Variants in GRM4 observed in about 807,000 individuals in gnomAD.
GRM4 encodes glutamate metabotropic receptor 4.
A neutral mutation model predicts 81.7 loss-of-function variants in GRM4; 28 were observed. That is an observed-to-expected ratio of 0.34 (90% CI 0.25 to 0.47). GRM4 has a LOEUF of 0.47. Ranked by LOEUF, GRM4 falls within the 20% of genes least tolerant of loss-of-function variation. GRM4 has a pLI of 1.00. For missense variants in GRM4, 948 were observed against 1,290.0 expected (o/e 0.73, Z 4.06); for synonymous variants, 488 against 528.8 (o/e 0.92, Z 1.06).
intron 2 of GRM4, among the ~76,000 whole-genome samples, chr6:34,098,992 C>A (rs1057508102): frequency 1.3e-5 from 2 of 152,162 alleles, no homozygotes; most frequent in African/African-American, 2.4e-5. Context: ...AGGGCTCCCC[C>A]TCACAGAGCA....
At position 34,132,645 on chromosome 6, in the gene GRM4, C is replaced by T. The variant is rs909256015; in HGVS notation, c.519+333G>A. Among the ~76,000 whole-genome samples the T allele has an allele frequency of 7.9e-5, 12 of 152,310 alleles. No homozygotes were observed. In the East Asian group the frequency reaches 2.3e-3, roughly 29 times the overall value. On this transcript the variant is annotated intron_variant, in intron 2 of 10. Transcript: ENST00000538487. ...TCCCTCTGTCGTTCTCCAGAACATC[C>T]TTTTCCTCCTGGTACAGAATTCCCC...
chr6:34,101,813 T>C (rs1164367891), intron 2 of GRM4, among the ~76,000 whole-genome samples: 1 of 152,250 alleles, frequency 6.6e-6, no homozygotes, highest in Non-Finnish European at 1.5e-5. Flanking sequence ...CCAGACGAGA[T>C]GAAATTGATT....
At chr6:34,060,099 G>A (rs1456007795) in intron 4 of GRM4, 1 of 152,318 alleles carries the variant, frequency 6.6e-6, no homozygotes, top group African/African-American at 2.4e-5. Context: ...AGCTGGGACT[G>A]GAGGGCCTGG....
chr6:34,113,015 GT>G (rs759099802), intron 2 of GRM4, among the ~76,000 whole-genome samples: 2 of 152,156 alleles, frequency 1.3e-5, no homozygotes, highest in African/African-American at 2.4e-5. Context: ...TTCCCTCTGG[GT>G]TTGAAAATTG....
chr6:34,150,551 C>G (rs974414318), upstream of GRM4, among the ~76,000 whole-genome samples: 2 of 152,092 alleles, frequency 1.3e-5, no homozygotes, highest in African/African-American at 4.8e-5. Flanking sequence ...CCAAGGTCAA[C>G]TTGAGCCTTT....
Position 34,059,489 on chromosome 6 carries a change from T to C in GRM4, c.873-361A>G. On this transcript the variant is annotated intron_variant, in intron 4 of 10. Coordinates refer to ENST00000538487, the MANE Select transcript of GRM4 (RefSeq NM_000841.4). This position sits in a 1 kb window ranked among gnomAD's most constrained non-coding sequence, Gnocchi z 5.7. ...CACAACCACCTCTGCCCAGCCCCGGTCCCCTGAGACGCATGCCTTCCTGGC... is the reference window on the plus strand; with the variant it reads ...CACAACCACCTCTGCCCAGCCCCGGCCCCCTGAGACGCATGCCTTCCTGGC... The C allele has an allele frequency of 3.2e-6, 1 of 308,860 alleles. No homozygotes were observed. The highest frequency in any genetic ancestry group is 4.0e-5 in the South Asian group (1 of 24,998). 19.1% of individuals were successfully genotyped at this position (308,860 alleles called of 1,614,324 possible). A position where few individuals can be genotyped will look rare whatever the true frequency, so the allele number is the denominator to read the frequency against.
chr6:34,149,543 C>G (rs926355803), upstream of GRM4, among the ~76,000 whole-genome samples: 1 of 152,228 alleles, frequency 6.6e-6, no homozygotes, highest in Non-Finnish European at 1.5e-5. Flanking sequence ...GGGCTAGGGC[C>G]CCGGGTTAAC....
At position 34,085,834 on chromosome 6, in the gene GRM4, G is replaced by A. The variant is rs1581675438; in HGVS notation, c.736+6049C>T. Among the ~76,000 whole-genome samples the A allele has an allele frequency of 2.6e-5, 4 of 152,288 alleles. No individual in the cohort carries two copies. In the East Asian group the frequency reaches 7.7e-4, roughly 29 times the overall value. ...GACTGGAGAGTAGGACGGAGGCAGG[G>A]GCTGTTTCAGATAGGCTGGTCAGAG... is the stretch of plus-strand genomic sequence containing the variant. On this transcript the variant is annotated intron_variant, in intron 3 of 10. Coordinates refer to ENST00000538487, the MANE Select transcript of GRM4 (RefSeq NM_000841.4).
chr6:34,086,997 T>C (rs1289006296), intron 3 of GRM4, among the ~76,000 whole-genome samples: 1 of 152,156 alleles, frequency 6.6e-6, no homozygotes, highest in Non-Finnish European at 1.5e-5. Context: ...TGGTGGTATA[T>C]GCCTGTGGTT....
Position 34,022,952 on chromosome 6 carries a change from A to G in GRM4, c.2690-82T>C. The stretch of plus-strand genomic sequence containing the variant: ...TCCTTCCACATGGGCACAGCCCTGC[A>G]CAAGAACCTACCATAGCTCCCCGCC... On this transcript the variant is annotated intron_variant, in intron 10 of 10. Coordinates refer to ENST00000538487, the MANE Select transcript of GRM4 (RefSeq NM_000841.4). The surrounding 1 kb of genome is among the most constrained non-coding windows in gnomAD (Gnocchi z 5.6). 1 of 1,050,666 alleles carries G rather than the reference A, an allele frequency of 9.5e-7. No homozygotes were observed. Among genetic ancestry groups the G allele is most frequent in the Non-Finnish European group, 1.5e-6 (1 of 669,342 alleles). 65.1% of individuals were successfully genotyped at this position (1,050,666 alleles called of 1,614,324 possible).
intron 1 of GRM4, among the ~76,000 whole-genome samples, chr6:34,141,006 C>T (rs1050527136): frequency 6.6e-6 from 1 of 152,236 alleles, no homozygotes; most frequent in African/African-American, 2.4e-5. Flanking sequence ...AATCACCCTC[C>T]ACAAGCTTAG....
intron 6 of GRM4, 97 bp downstream of exon 6, chr6:34,056,447 G>GTCTGCC: frequency 8.7e-7 from 1 of 1,144,452 alleles, no homozygotes; most frequent in Admixed American, 2.3e-5. Context: ...GCCGGCCGAC[G>GTCTGCC]ACAGACAAAG....
upstream of GRM4, among the ~76,000 whole-genome samples, chr6:34,150,717 AG>A (rs1192733664): frequency 6.6e-6 from 1 of 152,082 alleles, no homozygotes; most frequent in African/African-American, 2.4e-5. Context: ...AGGGCTGAAG[AG>A]GGAGGGAATA....
In GRM4 at chr6:34,115,088, C is replaced by T. The variant is rs1196600927; in HGVS notation, c.519+17890G>A. 6.6e-6 allele frequency among the ~76,000 whole-genome samples: 1 copy of T among 152,212 alleles called. No individual in the cohort carries two copies. The highest frequency in any genetic ancestry group is 1.9e-4 in the East Asian group (1 of 5,192). On this transcript the variant is annotated intron_variant, in intron 2 of 10. Coordinates refer to ENST00000538487, the MANE Select transcript of GRM4 (RefSeq NM_000841.4). This position sits in a 1 kb window ranked among gnomAD's most constrained non-coding sequence, Gnocchi z 4.1. ...GCAGCTGTCCCCAGATGCTGCTAAC[C>T]TCTCCTCAGGGGTTGCCTGGGTGCA...
chr6:34,135,919 G>A (rs1045722506), intron 1 of GRM4, among the ~76,000 whole-genome samples: 3 of 152,172 alleles, frequency 2.0e-5, no homozygotes, highest in African/African-American at 7.2e-5. Context: ...GGGCCATACT[G>A]CCCCTGCTGA....
rs1769505375 is a variant in GRM4 at position 34,114,434 on chromosome 6, C to T, written c.519+18544G>A. 6.6e-6 allele frequency among the ~76,000 whole-genome samples: 1 copy of T among 152,138 alleles called. No homozygotes were observed. Among genetic ancestry groups the T allele is most frequent in the African/African-American group, 2.4e-5 (1 of 41,408 alleles). On this transcript the variant is annotated intron_variant, in intron 2 of 10. Coordinates refer to ENST00000538487, the MANE Select transcript of GRM4 (RefSeq NM_000841.4). This position sits in a 1 kb window ranked among gnomAD's most constrained non-coding sequence, Gnocchi z 4.3. The stretch of plus-strand genomic sequence containing the variant: ...TCTATCCATCTCCTCATCACTCTCT[C>T]AGCTTCAGGCCTTGCCCTGCAACCA...
At position 34,070,133 on chromosome 6, in the gene GRM4, T is replaced by C. The variant is rs1005213448; in HGVS notation, c.737-8105A>G. Among the ~76,000 whole-genome samples the C allele has an allele frequency of 2.6e-5, 4 of 152,046 alleles. No individual in the cohort carries two copies. Among genetic ancestry groups the C allele is most frequent in the African/African-American group, 9.7e-5 (4 of 41,424 alleles). On this transcript the variant is annotated intron_variant, in intron 3 of 10. Coordinates refer to ENST00000538487, the MANE Select transcript of GRM4 (RefSeq NM_000841.4). The surrounding 1 kb of genome is among the most constrained non-coding windows in gnomAD (Gnocchi z 4.6). Reference sequence around the variant, plus strand: ...GTTGGAGGTGAACACTCGCACCTGCTCACACGCTCCCATCCCCTCGGTGAC... The same window carrying C: ...GTTGGAGGTGAACACTCGCACCTGCCCACACGCTCCCATCCCCTCGGTGAC...
In GRM4 at chr6:34,074,385, T is replaced by G. The variant is rs1767201302; in HGVS notation, c.737-12357A>C. Among the ~76,000 whole-genome samples the G allele has an allele frequency of 6.6e-6, 1 of 152,074 alleles. No individual in the cohort carries two copies. On this transcript the variant is annotated intron_variant, in intron 3 of 10. Transcript: ENST00000538487. This position sits in a 1 kb window ranked among gnomAD's most constrained non-coding sequence, Gnocchi z 4.9. ...GACAGGGTCAGCCCCTAGGGGATAT[T>G]TTGGGGTGTGGAGGAGGATGCAGGC...
intron 2 of GRM4, among the ~76,000 whole-genome samples, chr6:34,120,323 G>C (rs1486799676): frequency 1.3e-5 from 2 of 152,058 alleles, no homozygotes; most frequent in East Asian, 1.9e-4. Flanking sequence ...GGAGGTGAGG[G>C]AGGAAGTCCT....
Sources: allele counts gnomAD v4.1 joint callset (sites outside exome capture counted in the v4.1 genomes callset), GRCh38; gene constraint gnomAD v4.1.1; non-coding constraint Gnocchi (gnomAD v3.1); transcripts MANE v1.5; gene names NCBI Gene and HGNC (gene_info 2026-07-23, HGNC 2026-07-21).